Variants in RBPJL observed in about 807,000 individuals in gnomAD.
RBPJL encodes recombining binding protein suppressor of hairless-like protein.
Under a neutral mutation model 57.6 loss-of-function variants are expected in RBPJL, and 50 were observed. The observed-to-expected ratio is 0.87, with a 90% CI of 0.69 to 1.10. The LOEUF (loss-of-function observed/expected upper bound fraction) is 1.10, where lower values mean the gene tolerates loss of function less well. Among genes scored for constraint, RBPJL ranks in the 50% least tolerant of loss-of-function variants. The probability of loss-of-function intolerance (pLI) is 0.00; values close to 1 mark genes in which losing one functional copy is unlikely to be tolerated. For synonymous variants in RBPJL, 303 were observed against 294.4 expected (o/e 1.03, Z -0.30); for missense variants, 684 against 693.7 (o/e 0.99, Z 0.16).
Position 45,316,553 on chromosome 20 carries a change from GGGACGT to G in RBPJL, c.1257_1262del (p.Asp419_Val420del). 1 of 1,535,848 alleles carries G rather than the reference GGGACGT, an allele frequency of 6.5e-7. No individual in the cohort carries two copies. On this transcript the variant is annotated inframe_deletion, in exon 11 of 12. Coordinates refer to ENST00000343694, the MANE Select transcript of RBPJL (RefSeq NM_014276.4). ...CACGCGGGGCTCAAGGTGTGGTTTG[GGGACGT>G]GGAGGCAGAAACCATGTACAGGTAC...
At chr20:45,310,037 A>G (rs1351738739) in intron 3 of RBPJL, among the ~76,000 whole-genome samples, 3 of 152,220 alleles carry the variant, frequency 2.0e-5, no homozygotes, top group African/African-American at 7.2e-5. Flanking sequence ...CAAGACAGAA[A>G]CAGCCCCTGC....
At position 45,312,583 on chromosome 20, in the gene RBPJL, T is replaced by C. The variant is rs74658405; in HGVS notation, c.619+188T>C. On this transcript the variant is annotated intron_variant, in intron 6 of 11. Transcript: ENST00000343694. ...GGCCCAGGCCTGGGGATGAGAAGAG[T>C]TGGAGGATGAAAAGCAGAGAGGAAA... Among the ~76,000 whole-genome samples, 1,456 of 148,746 alleles carry C rather than the reference T, an allele frequency of 9.8e-3. 22 individuals carry two copies. Among genetic ancestry groups the C allele is most frequent in the African/African-American group, 0.034 (1,385 of 40,482 alleles).
At chr20:45,314,370 C>A in intron 8 of RBPJL, 43 bp from the exon 9 acceptor site, 3 of 1,594,332 alleles carry the variant, frequency 1.9e-6, no homozygotes, top group Non-Finnish European at 2.6e-6. Flanking sequence ...TCTGGACGCC[C>A]GGGCTCCTTG....
At chr20:45,311,491 ACG>A in intron 3 of RBPJL, 96 bp from the exon 4 acceptor site, 2 of 1,125,714 alleles carry the variant, frequency 1.8e-6, no homozygotes, top group Admixed American at 1.9e-5. Context: ...GGAGGAGGAA[ACG>A]AAGGTTCTGC....
intron 7 of RBPJL, 127 bp downstream of exon 7, chr20:45,313,732 T>G: frequency 1.0e-6 from 1 of 973,818 alleles, no homozygotes. Context: ...ACAAAAAGAC[T>G]TGACTACAGT....
Position 45,317,542 on chromosome 20 carries a change from T to A in RBPJL, c.*583T>A, listed in dbSNP as rs1447045171. The stretch of plus-strand genomic sequence containing the variant: ...GTCTCTCTAAGTCTCACCTGGGGAA[T>A]TCGGTCCCACCTGGGGCACCAGTTC... On this transcript the variant is annotated 3_prime_UTR_variant, in exon 12 of 12. Transcript: ENST00000343694. 1 of 152,620 alleles carries A rather than the reference T, an allele frequency of 6.6e-6. No homozygotes were observed. The highest frequency in any genetic ancestry group is 6.5e-5 in the Admixed American group (1 of 15,288). The allele number at this position is 152,620 out of a possible 1,614,324, so 9.5% of individuals were successfully genotyped here.
Position 45,316,947 on chromosome 20 carries a change from C to T in RBPJL, c.1542C>T (p.Phe514=), listed in dbSNP as rs1987509566. 6.2e-7 allele frequency: 1 copy of T among 1,612,126 alleles called. No homozygotes were observed. Among genetic ancestry groups the T allele is most frequent in the East Asian group, 2.2e-5 (1 of 44,810 alleles). Residue 514 remains phenylalanine, a synonymous_variant, in exon 12 of 12, where the codon TTC becomes TTT. Coordinates refer to ENST00000343694, the MANE Select transcript of RBPJL (RefSeq NM_014276.4). The stretch of plus-strand genomic sequence containing the variant: ...TCACGCGCACCAACTTCCACCTCTT[C>T]ATCCAGACTTAGGCGCGCCCGGTAG... The part of the protein sequence containing the change: ...QEFTRTNFHL[F]IQT
At position 45,316,832 on chromosome 20, in the gene RBPJL, C is replaced by G. The variant is rs750125636; in HGVS notation, c.1427C>G (p.Thr476Ser). ...CCTAGTGCCTTCTCCTTCACCTACA[C>G]CCCGGAATACAGCGTGCGGCCGGGT... ...FYPSAFSFTY[T>S]PEYSVRPGHP... Residue 476 changes from threonine (T) to serine (S), a missense_variant, in exon 12 of 12, where the codon ACC becomes AGC. Coordinates refer to ENST00000343694, the MANE Select transcript of RBPJL (RefSeq NM_014276.4). 1.0e-4 allele frequency: 166 copies of G among 1,613,842 alleles called. No individual in the cohort carries two copies. The highest frequency in any genetic ancestry group is 1.4e-4 in the Non-Finnish European group (162 of 1,179,872).
Position 45,316,775 on chromosome 20 carries a change from T to C in RBPJL, c.1370T>C (p.Met457Thr). Reference sequence around the variant, plus strand: ...CTGCGCGCTCCCATCACAATCCCCATGAGCCTGGTGCGCGCCGACGGGCTC... The same window carrying C: ...CTGCGCGCTCCCATCACAATCCCCACGAGCCTGGTGCGCGCCGACGGGCTC... The part of the protein sequence containing the change: ...RWLRAPITIP[M>T]SLVRADGLFY... Residue 457 changes from methionine (M) to threonine (T), a missense_variant, in exon 12 of 12, where the codon ATG becomes ACG. Coordinates refer to ENST00000343694, the MANE Select transcript of RBPJL (RefSeq NM_014276.4). 1.9e-6 allele frequency: 3 copies of C among 1,613,828 alleles called. No individual in the cohort carries two copies. The highest frequency in any genetic ancestry group is 2.5e-6 in the Non-Finnish European group (3 of 1,179,810).
At chr20:45,308,038 C>T in intron 1 of RBPJL, 105 bp from the exon 2 acceptor site, 1 of 717,582 alleles carries the variant, frequency 1.4e-6, no homozygotes, top group African/African-American at 1.8e-5. Context: ...TGGAAAGGAC[C>T]CTGCAGAAGT....
chr20:45,309,247 C>T lies in RBPJL; in HGVS notation c.132-320C>T, dbSNP rs538448609. ...AAGTGCAGCCTTTGTGTCACAGCCACGTGTCCCTATGGCCCTGGGCTCCAA... is the reference window on the plus strand; with the variant it reads ...AAGTGCAGCCTTTGTGTCACAGCCATGTGTCCCTATGGCCCTGGGCTCCAA... On this transcript the variant is annotated intron_variant, in intron 2 of 11. Coordinates refer to ENST00000343694, the MANE Select transcript of RBPJL (RefSeq NM_014276.4). 1.6e-4 allele frequency among the ~76,000 whole-genome samples: 24 copies of T among 152,284 alleles called. 1 individual carries two copies. In the South Asian group the frequency reaches 3.5e-3, roughly 22 times the overall value.
Position 45,312,346 on chromosome 20 carries a change from G to A in RBPJL, c.570G>A (p.Lys190=). ...GTACCTTCCACAGCCGCCTTATCAAGGTCATCTCGAAGCCCTCGCAGAAGA... is the reference window on the plus strand; with the variant it reads ...GTACCTTCCACAGCCGCCTTATCAAAGTCATCTCGAAGCCCTCGCAGAAGA... ...ELGTFHSRLI[K]VISKPSQKKQ... The change falls in exon 6 of 12, where the codon AAG becomes AAA. Residue 190 remains lysine (K), a synonymous_variant. Transcript: ENST00000343694. The A allele has an allele frequency of 5.0e-6, 8 of 1,614,206 alleles. No individual in the cohort carries two copies. The highest frequency in any genetic ancestry group is 6.8e-6 in the Non-Finnish European group (8 of 1,180,046).
intron 3 of RBPJL, among the ~76,000 whole-genome samples, chr20:45,311,385 G>A (rs1568889608): frequency 6.6e-6 from 1 of 152,158 alleles, no homozygotes. Flanking sequence ...AGGTGGAGTG[G>A]ACAGGACCTT....
intron 2 of RBPJL, 80 bp downstream of exon 2, chr20:45,308,331 C>T: frequency 1.1e-6 from 1 of 951,334 alleles, no homozygotes; most frequent in South Asian, 1.3e-5. Context: ...CGCATTTAAC[C>T]CAGGGCTGGC....
intron 9 of RBPJL, chr20:45,315,876 GGAAAGAAAGAAAAA>G (rs1987435140): frequency 3.5e-6 from 1 of 288,358 alleles, no homozygotes; most frequent in Non-Finnish European, 6.1e-6. Flanking sequence ...AAGGAAGGAA[GGAAAGAAAGAAAAA>G]GAAAGAAAGG....
In RBPJL at chr20:45,315,654, T is replaced by A. The variant is rs557959834; in HGVS notation, c.1021-533T>A. ...TACCCGGGCGCCTGAGGCAGGAGAA[T>A]CATTTGAACCCGGGAGGCGGAGGTT... is the stretch of plus-strand genomic sequence containing the variant. On this transcript the variant is annotated intron_variant, in intron 9 of 11. Coordinates refer to ENST00000343694, the MANE Select transcript of RBPJL (RefSeq NM_014276.4). Among the ~76,000 whole-genome samples, 11 of 150,182 alleles carry A rather than the reference T, an allele frequency of 7.3e-5. No individual in the cohort carries two copies. In the South Asian group the frequency reaches 2.1e-3, roughly 29 times the overall value.
At chr20:45,307,001 A>ACCCCCCCCCCCCCCCCCCCCC (rs562994913) in intron 1 of RBPJL, 57 bp downstream of exon 1, 3 of 720,926 alleles carry the variant, frequency 4.2e-6, no homozygotes, top group Admixed American at 7.3e-5. Flanking sequence ...ACGAAGGACC[A>ACCCCCCCCCCCCCCCCCCCCC]CCCCCCCACC....
At chr20:45,316,400 T>C in intron 10 of RBPJL, 58 bp downstream of exon 10, 1 of 1,599,934 alleles carries the variant, frequency 6.3e-7, no homozygotes, top group Non-Finnish European at 8.5e-7. Flanking sequence ...TGGGCAGTGG[T>C]GGTGCTAGTG....
chr20:45,314,684 C>G (rs957956351), intron 9 of RBPJL, 119 bp downstream of exon 9: 5 of 881,496 alleles, frequency 5.7e-6, no homozygotes, highest in South Asian at 5.0e-5. Flanking sequence ...TCCCATGGAA[C>G]ATTAAAATCA....
Sources: gnomAD v4.1 joint callset for allele counts (sites outside exome capture counted in the v4.1 genomes callset) on GRCh38, gnomAD v4.1.1 for gene constraint, MANE v1.5 for transcripts, NCBI Gene and HGNC (gene_info 2026-07-23, HGNC 2026-07-21) for gene names.